TBC1D32: variants seen among roughly 807,000 people sequenced by gnomAD.
TBC1D32 encodes the protein protein broad-minded.
TBC1D32 carries 151 observed loss-of-function variants against 170.3 expected under a neutral mutation model. The observed-to-expected ratio is 0.89, with a 90% CI of 0.78 to 1.01. The LOEUF (loss-of-function observed/expected upper bound fraction) is 1.01. TBC1D32 is among the 50% of genes least tolerant of loss of function. TBC1D32 has a pLI of 0.00. For missense variants in TBC1D32, 1,464 were observed against 1,457.1 expected (o/e 1.00, Z -0.08); for synonymous variants, 498 against 488.0 (o/e 1.02, Z -0.27).
intron 15 of TBC1D32, among the ~76,000 whole-genome samples, chr6:121,275,996 A>G (rs1004405945): frequency 1.3e-5 from 2 of 151,590 alleles, no homozygotes; most frequent in Admixed American, 6.6e-5. Flanking sequence ...GTGCACACCT[A>G]TAGGTCCCAG....
intron 26 of TBC1D32, among the ~76,000 whole-genome samples, chr6:121,125,157 G>C (rs1476005432): frequency 6.6e-6 from 1 of 152,116 alleles, no homozygotes; most frequent in Non-Finnish European, 1.5e-5. Context: ...AGCTTTATTT[G>C]TGCCTATCTT....
At chr6:121,293,096 T>C (rs181723154) in intron 11 of TBC1D32, among the ~76,000 whole-genome samples, 262 of 150,680 alleles carry the variant, frequency 1.7e-3, no homozygotes, top group Non-Finnish European at 3.2e-3. Flanking sequence ...CAGAAAACTC[T>C]GAAAGAGAAA....
At chr6:121,318,814 A>G (rs992434189) in intron 2 of TBC1D32, among the ~76,000 whole-genome samples, 2 of 151,012 alleles carry the variant, frequency 1.3e-5, no homozygotes, top group South Asian at 4.2e-4. Context: ...CGTATTTATT[A>G]TCATTAAAAT....
Position 121,205,178 on chromosome 6 carries a change from C to G in TBC1D32, c.2482-15G>C. On this transcript the variant is annotated splice_polypyrimidine_tract_variant and intron_variant, in intron 21 of 31. Transcript: ENST00000398212. ...TCAATAATATCCTGAAAAAGACAGA[C>G]AAAATGAGACTGTATTTAACTGATA... 8.1e-7 allele frequency: 1 copy of G among 1,228,826 alleles called. No individual in the cohort carries two copies. Among genetic ancestry groups the G allele is most frequent in the Non-Finnish European group, 1.1e-6 (1 of 880,734 alleles). The allele number at this position is 1,228,826 out of a possible 1,614,324, so 76.1% of individuals were successfully genotyped here. A position where few individuals can be genotyped will look rare whatever the true frequency, so the allele number is the denominator to read the frequency against.
chr6:121,303,160 A>C (rs1315035721), intron 9 of TBC1D32, among the ~76,000 whole-genome samples: 3 of 152,186 alleles, frequency 2.0e-5, no homozygotes, highest in African/African-American at 7.2e-5. Context: ...AGGTTCAGGT[A>C]TTAAACACAT....
chr6:121,112,571 T>G lies in TBC1D32; in HGVS notation c.3258A>C (p.Gln1086His), dbSNP rs560574202. Residue 1086 changes from glutamine (Q) to histidine (H), a missense_variant, in exon 29 of 32, where the codon CAA (glutamine) becomes CAC (histidine). Physicochemically the swap from Gln to His is conservative, Grantham distance 24. Transcript: ENST00000398212. ...IMLGDKEKTF[Q>H]FLHQFSRLLT... Reference sequence around the variant, plus strand: ...GAAGCCTGGAGAATTGATGAAGAAATTGGAATGTTTTTTCTTTGTCTCCCA... The same window carrying G: ...GAAGCCTGGAGAATTGATGAAGAAAGTGGAATGTTTTTTCTTTGTCTCCCA... The G allele has an allele frequency of 6.2e-7, 1 of 1,611,140 alleles. No individual in the cohort carries two copies. Among genetic ancestry groups the G allele is most frequent in the South Asian group, 1.1e-5 (1 of 90,750 alleles).
chr6:121,121,127 T>C (rs922260503), intron 26 of TBC1D32, among the ~76,000 whole-genome samples: 4 of 152,016 alleles, frequency 2.6e-5, no homozygotes, highest in African/African-American at 9.7e-5. Flanking sequence ...ATATACAATA[T>C]AATAAAACTA....
intron 22 of TBC1D32, among the ~76,000 whole-genome samples, chr6:121,204,851 G>A (rs1157528431): frequency 1.3e-5 from 2 of 152,036 alleles, no homozygotes; most frequent in African/African-American, 2.4e-5. Flanking sequence ...TAGGGAATGG[G>A]AGACACTATA....
chr6:121,262,687 G>A (rs1381236830), intron 15 of TBC1D32, among the ~76,000 whole-genome samples: 3 of 152,052 alleles, frequency 2.0e-5, no homozygotes, highest in African/African-American at 7.2e-5. Flanking sequence ...ATGTTGGCCA[G>A]GCTGGTCTCG....
At chr6:121,218,777 G>A (rs919134163) in intron 21 of TBC1D32, among the ~76,000 whole-genome samples, 23 of 152,200 alleles carry the variant, frequency 1.5e-4, no homozygotes, top group Middle Eastern at 3.4e-3. Flanking sequence ...GAATCATGGG[G>A]GCAGTTACCC....
Position 121,115,381 on chromosome 6 carries a change from G to T in TBC1D32, c.2984-140C>A, listed in dbSNP as rs1779592607. 9.5e-6 allele frequency: 5 copies of T among 528,538 alleles called. No homozygotes were observed. In the Admixed American group the frequency reaches 1.6e-4, roughly 17 times the overall value. The allele number at this position is 528,538 out of a possible 1,614,324, so 32.7% of individuals were successfully genotyped here. ...AACACTGATGAATTTATTCTTTTAG[G>T]AACTGTCAGTTACATTTTCAAAGGA... On this transcript the variant is annotated intron_variant, in intron 26 of 31. Coordinates refer to ENST00000398212, the MANE Select transcript of TBC1D32 (RefSeq NM_152730.6).
At chr6:121,325,133 G>A (rs1329123478) in intron 1 of TBC1D32, among the ~76,000 whole-genome samples, 3 of 150,482 alleles carry the variant, frequency 2.0e-5, no homozygotes. Flanking sequence ...AATCGCTTGA[G>A]CCCAGGAGGT....
At chr6:121,279,066 G>A in intron 15 of TBC1D32, 55 bp downstream of exon 15, 3 of 1,547,612 alleles carry the variant, frequency 1.9e-6, no homozygotes, top group Non-Finnish European at 2.6e-6. Context: ...TTAGCAGCTT[G>A]TCAGAAAACC....
At position 121,160,106 on chromosome 6, in the gene TBC1D32, A is replaced by G. The variant is rs748667261; in HGVS notation, c.2680-3T>C. On this transcript the variant is annotated splice_polypyrimidine_tract_variant and splice_region_variant and intron_variant, in intron 23 of 31. Transcript: ENST00000398212. ...GGCCAAGGATATGGATTATCACTCT[A>G]AAAAAGAAGCAAGACAGATGACTTT... 5.1e-6 allele frequency: 8 copies of G among 1,565,504 alleles called. No homozygotes were observed. Among genetic ancestry groups the G allele is most frequent in the African/African-American group, 2.7e-5 (2 of 74,040 alleles).
intron 3 of TBC1D32, among the ~76,000 whole-genome samples, chr6:121,314,329 C>A (rs1808637030): frequency 6.6e-6 from 1 of 152,204 alleles, no homozygotes; most frequent in Non-Finnish European, 1.5e-5. Context: ...ATCCTGCAAT[C>A]TGAAGGTCCT....
chr6:121,308,686 CTT>C (rs67847088), intron 4 of TBC1D32, among the ~76,000 whole-genome samples: 2 of 112,572 alleles, frequency 1.8e-5, no homozygotes, highest in African/African-American at 7.7e-5. Context: ...AAGCTTACTT[CTT>C]TTTTTTTTTT....
intron 2 of TBC1D32, 97 bp from the exon 3 acceptor site, chr6:121,317,769 G>T: frequency 8.2e-6 from 7 of 851,444 alleles, no homozygotes; most frequent in African/African-American, 1.9e-5. Flanking sequence ...AAAAAGGGAA[G>T]TCCCTTTAAG....
intron 24 of TBC1D32, among the ~76,000 whole-genome samples, chr6:121,156,638 G>C (rs1444784955): frequency 6.6e-6 from 1 of 151,872 alleles, no homozygotes; most frequent in Non-Finnish European, 1.5e-5. Context: ...CTAACCTCTT[G>C]ATGAAAGCCA....
At chr6:121,328,309 G>A (rs34557291) in intron 1 of TBC1D32, among the ~76,000 whole-genome samples, 527 of 150,580 alleles carry the variant, frequency 3.5e-3, no homozygotes, top group Non-Finnish European at 4.3e-3. Flanking sequence ...TTTTTGTGAC[G>A]GAGTCTCGCT....
Sources: gnomAD v4.1 joint callset for allele counts (sites outside exome capture counted in the v4.1 genomes callset) on GRCh38, gnomAD v4.1.1 for gene constraint, MANE v1.5 for transcripts, NCBI Gene and HGNC (gene_info 2026-07-23, HGNC 2026-07-21) for gene names.